Variants in RALYL observed in about 807,000 individuals in gnomAD.
RALYL encodes the protein RNA-binding Raly-like protein.
RALYL carries 29 observed loss-of-function variants against 35.1 expected under a neutral mutation model. The observed-to-expected ratio is 0.83, with a 90% confidence interval of 0.61 to 1.13. RALYL has a LOEUF of 1.13. Ranked by LOEUF, RALYL falls within the 50% of genes most tolerant of loss-of-function variation. The pLI, the probability that RALYL is intolerant of heterozygous loss-of-function variation, is 0.00. For synonymous variants in RALYL, 120 were observed against 127.6 expected (o/e 0.94, Z 0.40); for missense variants, 359 against 360.4 (o/e 1.00, Z 0.03).
intron 2 of RALYL, among the ~76,000 whole-genome samples, chr8:84,598,128 G>A (rs960316324): frequency 1.3e-5 from 2 of 151,962 alleles, no homozygotes; most frequent in Non-Finnish European, 2.9e-5. Flanking sequence ...TGTCTTCATG[G>A]AATGCCTTAC....
At chr8:84,720,188 C>A (rs769733861) in intron 2 of RALYL, among the ~76,000 whole-genome samples, 9 of 151,902 alleles carry the variant, frequency 5.9e-5, no homozygotes, top group Non-Finnish European at 1.2e-4. Flanking sequence ...CCACAAAAAA[C>A]CCAAATAGCC....
At position 84,899,559 on chromosome 8, in the gene RALYL, G is replaced by A. The variant is rs558649071; in HGVS notation, c.858+11783G>A. Among the ~76,000 whole-genome samples the A allele has an allele frequency of 6.6e-5, 10 of 152,128 alleles. No homozygotes were observed. The South Asian group carries it at 1.2e-3, about 19-fold the overall frequency. ...TGTGCATCCCCTCTGTGATTTTGAG[G>A]ATTATTATACAAAGAATGGAAGCAA... is the stretch of plus-strand genomic sequence containing the variant. On this transcript the variant is annotated intron_variant, in intron 8 of 8. Coordinates refer to ENST00000521268, the MANE Select transcript of RALYL (RefSeq NM_173848.7).
chr8:84,794,809 C>G (rs889992583), intron 3 of RALYL, among the ~76,000 whole-genome samples: 2 of 152,198 alleles, frequency 1.3e-5, no homozygotes, highest in African/African-American at 2.4e-5. Flanking sequence ...CTTTATCCTT[C>G]ACCTCCATTC....
intron 1 of RALYL, among the ~76,000 whole-genome samples, chr8:84,512,720 G>C (rs941240577): frequency 1.3e-5 from 2 of 152,034 alleles, no homozygotes; most frequent in African/African-American, 2.4e-5. Context: ...GATAATAGAC[G>C]GGTCTAGTTT....
intron 2 of RALYL, among the ~76,000 whole-genome samples, chr8:84,617,625 C>G (rs542140755): frequency 0.078 from 11,505 of 148,122 alleles, 1,244 homozygotes; most frequent in African/African-American, 0.23. Flanking sequence ...ACTTCCAACA[C>G]TATGTTGAAT....
rs919277706 is a variant in RALYL at position 84,614,350 on chromosome 8, A to G, written c.256+84773A>G. Among the ~76,000 whole-genome samples, 21 of 151,648 alleles carry G rather than the reference A, an allele frequency of 1.4e-4. 1 individual carries two copies. The highest frequency in any genetic ancestry group is 4.6e-4 in the African/African-American group (19 of 41,044). On this transcript the variant is annotated intron_variant, in intron 2 of 8. Transcript: ENST00000521268. ...CTAATATTATAGGAATGAAATCACA[A>G]AGGCCATCTGACAACATAAATCTTC...
intron 4 of RALYL, among the ~76,000 whole-genome samples, chr8:84,838,181 A>G (rs994794965): frequency 2.6e-5 from 4 of 152,194 alleles, no homozygotes; most frequent in Non-Finnish European, 4.4e-5. Flanking sequence ...TCTAGGATAT[A>G]TAAAATTCTT....
intron 1 of RALYL, among the ~76,000 whole-genome samples, chr8:84,490,728 A>ATTT (rs1262616821): frequency 6.6e-6 from 1 of 150,654 alleles, no homozygotes; most frequent in Non-Finnish European, 1.5e-5. Context: ...TATTATTATT[A>ATTT]TTATACTTTT....
chr8:84,782,481 G>C (rs760858975), intron 3 of RALYL, among the ~76,000 whole-genome samples: 3 of 152,198 alleles, frequency 2.0e-5, no homozygotes, highest in Non-Finnish European at 4.4e-5. Context: ...TCTTACAGTT[G>C]GCAGGTGCCA....
At chr8:84,254,649 T>G (rs1464963846) in intron 1 of RALYL, among the ~76,000 whole-genome samples, 2 of 150,150 alleles carry the variant, frequency 1.3e-5, no homozygotes, top group Admixed American at 1.3e-4. Flanking sequence ...TTTGTGTGTG[T>G]GGGAGTGAGG....
At chr8:84,494,362 G>A (rs1444067147) in intron 1 of RALYL, among the ~76,000 whole-genome samples, 5 of 151,986 alleles carry the variant, frequency 3.3e-5, no homozygotes, top group African/African-American at 1.2e-4. Flanking sequence ...TGTTCTTTTT[G>A]CTTAGAATTG....
chr8:84,782,033 A>T (rs780824252), intron 3 of RALYL, among the ~76,000 whole-genome samples: 1 of 56,528 alleles, frequency 1.8e-5, no homozygotes, highest in Non-Finnish European at 4.3e-5. Context: ...ACACGCGCGC[A>T]CACACACACA....
chr8:84,642,223 G>A (rs1826507364), intron 2 of RALYL, among the ~76,000 whole-genome samples: 1 of 151,978 alleles, frequency 6.6e-6, no homozygotes, highest in Non-Finnish European at 1.5e-5. Context: ...ATAAAAGATA[G>A]CTGGCTCCAA....
intron 1 of RALYL, among the ~76,000 whole-genome samples, chr8:84,265,128 GT>G: frequency 6.6e-6 from 1 of 152,236 alleles, no homozygotes; most frequent in Non-Finnish European, 1.5e-5. Flanking sequence ...CTTTTTCATA[GT>G]CCTTGTTGGT....
chr8:84,260,256 A>G (rs1409467467), intron 1 of RALYL, among the ~76,000 whole-genome samples: 1 of 152,142 alleles, frequency 6.6e-6, no homozygotes, highest in Non-Finnish European at 1.5e-5. Context: ...GGAAGAAAAA[A>G]ATAGAAACTG....
intron 2 of RALYL, among the ~76,000 whole-genome samples, chr8:84,597,939 A>C (rs1399136269): frequency 6.6e-6 from 1 of 152,130 alleles, no homozygotes. Flanking sequence ...CACAAAGACT[A>C]TTGCATCATT....
At chr8:84,302,855 A>T (rs776068361) in intron 1 of RALYL, among the ~76,000 whole-genome samples, 1 of 152,130 alleles carries the variant, frequency 6.6e-6, no homozygotes, top group African/African-American at 2.4e-5. Flanking sequence ...GAGTCTTTCT[A>T]TTTCTGCTCT....
At chr8:84,685,772 T>TTG (rs917443021) in intron 2 of RALYL, among the ~76,000 whole-genome samples, 9 of 152,116 alleles carry the variant, frequency 5.9e-5, no homozygotes, top group East Asian at 1.9e-4. Context: ...ATGACAATGT[T>TTG]TGTGTGTGTG....
chr8:84,783,757 A>G (rs1818735463), intron 3 of RALYL, among the ~76,000 whole-genome samples: 2 of 152,192 alleles, frequency 1.3e-5, no homozygotes, highest in South Asian at 4.1e-4. Flanking sequence ...AGTAATTGCA[A>G]TTCACAGTTT....
Sources: allele counts gnomAD v4.1 joint callset (sites outside exome capture counted in the v4.1 genomes callset), GRCh38; gene constraint gnomAD v4.1.1; transcripts MANE v1.5; gene names NCBI Gene and HGNC (gene_info 2026-07-23, HGNC 2026-07-21).